DCDC1: variants seen among roughly 807,000 people sequenced by gnomAD.
The protein encoded by DCDC1 is doublecortin domain-containing protein 1.
A neutral mutation model predicts 178.3 loss-of-function variants in DCDC1; 200 were observed. The ratio of observed to expected loss-of-function variants is 1.12; its 90% CI spans 1.00 to 1.26. The LOEUF is 1.26. DCDC1 is among the 50% of genes most tolerant of loss of function. The pLI is 0.00. For missense variants in DCDC1, 1,983 were observed against 1,749.2 expected, an observed-to-expected ratio of 1.13 and a Z score of -2.38; for synonymous variants, 690 against 604.8, an observed-to-expected ratio of 1.14 and a Z score of -2.07.
Position 31,290,491 on chromosome 11 carries a change from T to C in DCDC1, c.960+156A>G, listed in dbSNP as rs575135624. Among the ~76,000 whole-genome samples, 10 of 152,182 alleles carry C rather than the reference T, an allele frequency of 6.6e-5. No homozygotes were observed. In the South Asian group the frequency reaches 2.1e-3, roughly 32 times the overall value. ...ATGGTATTAGTGCAATAAGCAGACT[T>C]ATAAACAGGTTTATACAGAATTTTT... On this transcript the variant is annotated intron_variant, in intron 7 of 38. Coordinates refer to ENST00000684477, the MANE Select transcript of DCDC1 (RefSeq NM_001387274.1).
At chr11:31,197,396 T>C (rs1370515484) in intron 9 of DCDC1, among the ~76,000 whole-genome samples, 1 of 152,146 alleles carries the variant, frequency 6.6e-6, no homozygotes. Flanking sequence ...AGTATAGCAA[T>C]AATGATAATT....
chr11:31,011,267 A>C (rs1428296866), intron 20 of DCDC1, among the ~76,000 whole-genome samples: 1 of 152,202 alleles, frequency 6.6e-6, no homozygotes, highest in Non-Finnish European at 1.5e-5. Flanking sequence ...AAAGTATTTA[A>C]AAGACATTTA....
chr11:31,062,152 G>A (rs1192197021), intron 20 of DCDC1, among the ~76,000 whole-genome samples: 1 of 152,098 alleles, frequency 6.6e-6, no homozygotes, highest in African/African-American at 2.4e-5. Flanking sequence ...TCTGAGAGCA[G>A]AAGTAAACTG....
At chr11:31,035,061 C>T (rs756939162) in intron 20 of DCDC1, among the ~76,000 whole-genome samples, 16 of 152,222 alleles carry the variant, frequency 1.1e-4, no homozygotes, top group Non-Finnish European at 2.2e-4. Flanking sequence ...TTTGTGATTG[C>T]TTTGTTTCAG....
chr11:30,923,565 C>T (rs1201941569), intron 23 of DCDC1, among the ~76,000 whole-genome samples: 1 of 150,648 alleles, frequency 6.6e-6, no homozygotes, highest in East Asian at 1.9e-4. Context: ...TTATTACAAA[C>T]ATTCGACATT....
rs1223526182 is a variant in DCDC1 at position 31,250,415 on chromosome 11, C to CACACATATATATATATAT, written c.1055-8800_1055-8799insATATATATATATATGTGT. 6.8e-5 allele frequency among the ~76,000 whole-genome samples: 5 copies of CACACATATATATATATAT among 73,670 alleles called. 1 individual carries two copies. Among genetic ancestry groups the CACACATATATATATATAT allele is most frequent in the African/African-American group, 2.6e-4 (5 of 19,282 alleles). 48.3% of individuals were successfully genotyped at this position (73,670 alleles called of 152,430 possible). A position where few individuals can be genotyped will look rare whatever the true frequency, so the allele number is the denominator to read the frequency against. ...ACACACACACACACACACACACACA[C>CACACATATATATATATAT]ATATACATATATATGTATATATATA... is the stretch of plus-strand genomic sequence containing the variant. On this transcript the variant is annotated intron_variant, in intron 8 of 38. Coordinates refer to ENST00000684477, the MANE Select transcript of DCDC1 (RefSeq NM_001387274.1).
rs377732983 is a variant in DCDC1, at chr11:31,290,158, T to C, written c.960+489A>G. Reference sequence around the variant, plus strand: ...TGTTTCATGATTTTTCTTAGGCCCCTTAGATATGTTTTTAAAAACTTATAT... The same window carrying C: ...TGTTTCATGATTTTTCTTAGGCCCCCTAGATATGTTTTTAAAAACTTATAT... On this transcript the variant is annotated intron_variant, in intron 7 of 38. Transcript: ENST00000684477. Among the ~76,000 whole-genome samples the C allele has an allele frequency of 7.2e-5, 11 of 152,138 alleles. No homozygotes were observed. In the East Asian group the frequency reaches 1.4e-3, roughly 19 times the overall value.
intron 8 of DCDC1, among the ~76,000 whole-genome samples, chr11:31,258,992 A>G (rs1944598298): frequency 6.6e-6 from 1 of 152,164 alleles, no homozygotes; most frequent in Admixed American, 6.5e-5. Context: ...TACCTCAAAT[A>G]AGTCTTTATG....
chr11:30,903,961 A>T (rs1944889758), intron 31 of DCDC1: 1 of 233,070 alleles, frequency 4.3e-6, no homozygotes, highest in African/African-American at 2.2e-5. Flanking sequence ...TTAGCATCAG[A>T]GTATCTTCTA....
At chr11:31,007,212 G>C (rs1242126761) in intron 20 of DCDC1, among the ~76,000 whole-genome samples, 1 of 152,124 alleles carries the variant, frequency 6.6e-6, no homozygotes, top group South Asian at 2.1e-4. Context: ...TTGAGATATG[G>C]GACAAGAAAA....
chr11:31,220,276 A>G (rs1180180629), intron 9 of DCDC1, among the ~76,000 whole-genome samples: 1 of 152,204 alleles, frequency 6.6e-6, no homozygotes, highest in Non-Finnish European at 1.5e-5. Flanking sequence ...TTATCTAGGA[A>G]TTAGGTCCTA....
intron 8 of DCDC1, among the ~76,000 whole-genome samples, chr11:31,261,030 T>G (rs1394492960): frequency 6.6e-6 from 1 of 152,184 alleles, no homozygotes; most frequent in Non-Finnish European, 1.5e-5. Context: ...CTCTGATAAA[T>G]TTTTTGGAGA....
intron 21 of DCDC1, among the ~76,000 whole-genome samples, chr11:30,932,963 C>T (rs1343788675): frequency 6.7e-6 from 1 of 149,500 alleles, no homozygotes; most frequent in African/African-American, 2.5e-5. Context: ...AGTGATGATG[C>T]TGGGCAAGGT....
intron 20 of DCDC1, among the ~76,000 whole-genome samples, chr11:30,999,319 T>C (rs2135010175): frequency 6.6e-6 from 1 of 152,314 alleles, no homozygotes. Context: ...TTATGTAAGA[T>C]GTTGGTTATG....
At chr11:31,165,090 G>A (rs1966651875) in intron 9 of DCDC1, among the ~76,000 whole-genome samples, 1 of 152,090 alleles carries the variant, frequency 6.6e-6, no homozygotes, top group Non-Finnish European at 1.5e-5. Context: ...GGACAAAATT[G>A]CCTAATTATT....
intron 20 of DCDC1, among the ~76,000 whole-genome samples, chr11:30,981,528 A>C (rs1565150548): frequency 6.6e-6 from 1 of 152,208 alleles, no homozygotes; most frequent in Non-Finnish European, 1.5e-5. Context: ...ATGCCAATTT[A>C]TATTTAATCT....
At chr11:30,919,500 C>T (rs1316363065) in intron 25 of DCDC1, among the ~76,000 whole-genome samples, 1 of 146,588 alleles carries the variant, frequency 6.8e-6, no homozygotes, top group Non-Finnish European at 1.5e-5. Context: ...TTTCTTTTTT[C>T]TTACTTTCTG....
Position 30,916,943 on chromosome 11 carries a change from C to CA in DCDC1, c.3378dup (p.Asp1127Ter). 3 of 1,610,868 alleles carry CA rather than the reference C, an allele frequency of 1.9e-6. No homozygotes were observed. Among genetic ancestry groups the CA allele is most frequent in the Non-Finnish European group, 2.5e-6 (3 of 1,178,552 alleles). On this transcript the variant is annotated frameshift_variant, in exon 26 of 39. Transcript: ENST00000684477. LOFTEE classifies it high-confidence loss of function. ...TTCTTTGGAAGACTGTCATCCTCAT[C>CA]AAAGTCATGTGAAGTTTCCTGCCAG...
At chr11:31,294,854 GAAAGAAAGAAAGAA>G (rs1302441262) in intron 6 of DCDC1, among the ~76,000 whole-genome samples, 5 of 121,284 alleles carry the variant, frequency 4.1e-5, no homozygotes, top group African/African-American at 9.2e-5. Context: ...AAGAAAGAAA[GAAAGAAAGAAAGAA>G]AAAGAAAACA....
Sources: allele counts gnomAD v4.1 joint callset (sites outside exome capture counted in the v4.1 genomes callset), GRCh38; gene constraint gnomAD v4.1.1; transcripts MANE v1.5; gene names NCBI Gene and HGNC (gene_info 2026-07-23, HGNC 2026-07-21).